DNAAF19: variants seen among roughly 807,000 people sequenced by gnomAD.
DNAAF19 encodes dynein axonemal assembly factor 19, also known as coiled-coil domain containing 103.
the DNAAF19 span, chr17:44,903,499 C>T: frequency 9.4e-6 from 12 of 1,276,062 alleles, no homozygotes; most frequent in Non-Finnish European, 1.2e-5. Context: ...TGCCCGAGCA[C>T]CTCGGCCCGC....
chr17:44,903,737 A>G, the DNAAF19 span: 2 of 1,454,966 alleles, frequency 1.4e-6, no homozygotes, highest in East Asian at 5.0e-5. Flanking sequence ...TTCCTCATCT[A>G]GAGGCTTCCG....
the DNAAF19 span, chr17:44,904,184 G>A: frequency 1.3e-6 from 2 of 1,550,524 alleles, no homozygotes; most frequent in Non-Finnish European, 8.7e-7. Flanking sequence ...TCAGTCTGAG[G>A]ACTCAGGCCT....
the DNAAF19 span, chr17:44,901,229 C>A: frequency 1.4e-6 from 2 of 1,444,276 alleles, no homozygotes; most frequent in Non-Finnish European, 1.9e-6. Flanking sequence ...GGGCTTCAGT[C>A]CTGGCCCCAC....
the DNAAF19 span, chr17:44,902,501 A>C: frequency 1.9e-5 from 30 of 1,614,054 alleles, no homozygotes; most frequent in Non-Finnish European, 2.4e-5. Context: ...TTCCAGACAG[A>C]TGTGGGATTT....
the DNAAF19 span, chr17:44,903,966 A>C: frequency 6.4e-7 from 1 of 1,550,616 alleles, no homozygotes. Flanking sequence ...TACCTGGCCG[A>C]CATGAGCTTT....
At chr17:44,905,211 C>T in the DNAAF19 span, 1 of 691,850 alleles carries the variant, frequency 1.4e-6, no homozygotes, top group Non-Finnish European at 2.5e-6. Flanking sequence ...TCCCCATTTT[C>T]ATGGGCAGGT....
chr17:44,900,619 G>A, the DNAAF19 span, among the ~76,000 whole-genome samples: 1 of 152,256 alleles, frequency 6.6e-6, no homozygotes, highest in Admixed American at 6.5e-5. Flanking sequence ...CTGTCGAAAC[G>A]ACTTGCTGTA....
At chr17:44,900,576 A>G in the DNAAF19 span, among the ~76,000 whole-genome samples, 1 of 152,178 alleles carries the variant, frequency 6.6e-6, no homozygotes, top group Non-Finnish European at 1.5e-5. Context: ...CTCAAGGGTA[A>G]CTAACAAGAG....
chr17:44,901,941 C>T, the DNAAF19 span, among the ~76,000 whole-genome samples: 2 of 152,140 alleles, frequency 1.3e-5, no homozygotes, highest in Non-Finnish European at 1.5e-5. Context: ...AATTGGGATG[C>T]TCTGCCTCTG....
the DNAAF19 span, chr17:44,904,077 A>G: frequency 6.4e-7 from 1 of 1,550,624 alleles, no homozygotes; most frequent in South Asian, 1.2e-5. Flanking sequence ...ACGGACTTTG[A>G]TGGGCGGGTG....
At chr17:44,903,954 C>A in the DNAAF19 span, 1 of 1,550,610 alleles carries the variant, frequency 6.4e-7, no homozygotes, top group Non-Finnish European at 8.7e-7. Flanking sequence ...GAAAATGCAG[C>A]CTACCTGGCC....
the DNAAF19 span, among the ~76,000 whole-genome samples, chr17:44,900,082 C>T: frequency 2.0e-5 from 3 of 151,966 alleles, no homozygotes. Context: ...TCAGAGAGGT[C>T]CCACAAGTAA....
the DNAAF19 span, chr17:44,904,337 A>C: frequency 1.3e-6 from 2 of 1,542,104 alleles, no homozygotes; most frequent in Non-Finnish European, 1.8e-6. Flanking sequence ...CCATGTCTTC[A>C]CCACCTTCTG....
At chr17:44,901,627 A>G in the DNAAF19 span, 1 of 1,614,218 alleles carries the variant, frequency 6.2e-7, no homozygotes, top group Non-Finnish European at 8.5e-7. Context: ...AGGACCTTCC[A>G]GGATGTGGCC....
the DNAAF19 span, chr17:44,901,589 G>C: frequency 1.2e-6 from 2 of 1,614,138 alleles, no homozygotes; most frequent in Admixed American, 1.7e-5. Context: ...AGAGAACTGT[G>C]CCCTGGAACT....
chr17:44,903,859 G>A, the DNAAF19 span: 1 of 1,537,136 alleles, frequency 6.5e-7, no homozygotes, highest in Non-Finnish European at 8.8e-7. Flanking sequence ...CTGTGCTCCT[G>A]TGGGCATGGG....
chr17:44,901,159 T>A, the DNAAF19 span: 1 of 1,600,120 alleles, frequency 6.2e-7, no homozygotes, highest in South Asian at 1.1e-5. Context: ...CACTGCCATT[T>A]TTCTCAGGCC....
the DNAAF19 span, chr17:44,902,821 G>A: frequency 0.27 from 416,595 of 1,533,062 alleles, 56,859 homozygotes; most frequent in South Asian, 0.28. Flanking sequence ...TGACTGATGC[G>A]GCAAGCTACC....
At chr17:44,900,888 G>T in the DNAAF19 span, 11 of 1,136,020 alleles carry the variant, frequency 9.7e-6, no homozygotes, top group Admixed American at 5.7e-5. Context: ...ATGATGTCCA[G>T]AGTGCTTTGG....
Sources: gnomAD v4.1 joint callset for allele counts (sites outside exome capture counted in the v4.1 genomes callset) on GRCh38, gnomAD v4.1.1 for gene constraint, MANE v1.5 for transcripts, NCBI Gene and HGNC (gene_info 2026-07-23, HGNC 2026-07-21) for gene names.